Variants in PTGER3 observed in about 807,000 individuals in gnomAD.
The protein encoded by PTGER3 is prostaglandin E2 receptor EP3 subtype.
In PTGER3, 22 loss-of-function variants were observed where a neutral mutation model predicts 34.7. The ratio of observed to expected loss-of-function variants is 0.63; its 90% CI spans 0.45 to 0.91. The LOEUF is 0.91. Ranked by LOEUF, PTGER3 falls within the 40% of genes least tolerant of loss-of-function variation. PTGER3 has a pLI of 0.00. For synonymous variants in PTGER3, 241 were observed against 230.1 expected, an observed-to-expected ratio of 1.05 and a Z score of -0.43; for missense variants, 468 against 519.4, an observed-to-expected ratio of 0.90 and a Z score of 0.96.
intron 4 of PTGER3, chr1:70,852,885 A>G: frequency 1.2e-6 from 2 of 1,608,278 alleles, no homozygotes; most frequent in South Asian, 2.2e-5. Flanking sequence ...ATCAATTAGG[A>G]TAGCCAATAA....
At chr1:71,020,745 G>A (rs1436101313) in intron 1 of PTGER3, among the ~76,000 whole-genome samples, 1 of 148,406 alleles carries the variant, frequency 6.7e-6, no homozygotes, top group East Asian at 2.0e-4. Flanking sequence ...GTGGGGTGGG[G>A]GTATTTTTAT....
intron 4 of PTGER3, among the ~76,000 whole-genome samples, chr1:70,940,718 C>T (rs1434060896): frequency 2.0e-5 from 3 of 152,178 alleles, no homozygotes; most frequent in Non-Finnish European, 4.4e-5. Flanking sequence ...GATTCAATTA[C>T]CTCCCCCTGG....
intron 2 of PTGER3, among the ~76,000 whole-genome samples, chr1:70,955,608 T>C (rs1651240241): frequency 6.6e-6 from 1 of 152,158 alleles, no homozygotes; most frequent in Non-Finnish European, 1.5e-5. Context: ...CATGATCTAA[T>C]ATTGTTCTGT....
intron 4 of PTGER3, among the ~76,000 whole-genome samples, chr1:70,910,188 CA>C (rs1451303332): frequency 6.6e-6 from 1 of 152,152 alleles, no homozygotes; most frequent in Non-Finnish European, 1.5e-5. Flanking sequence ...TGAAGGTCTA[CA>C]GTTTTACTCC....
At chr1:70,879,548 T>C (rs1646344056) in intron 4 of PTGER3, among the ~76,000 whole-genome samples, 1 of 152,116 alleles carries the variant, frequency 6.6e-6, no homozygotes, top group African/African-American at 2.4e-5. Flanking sequence ...ACGTCTAGCC[T>C]CCCTCTTTCT....
intron 4 of PTGER3, among the ~76,000 whole-genome samples, chr1:70,916,197 C>T (rs1647172779): frequency 6.6e-6 from 1 of 151,994 alleles, no homozygotes; most frequent in Admixed American, 6.6e-5. Context: ...CAATCTCACA[C>T]CAGTCAGAAT....
chr1:70,892,200 A>G (rs1438126981), intron 4 of PTGER3, among the ~76,000 whole-genome samples: 1 of 152,202 alleles, frequency 6.6e-6, no homozygotes, highest in Non-Finnish European at 1.5e-5. Flanking sequence ...ACCCAATTCT[A>G]TCACTTATGA....
intron 4 of PTGER3, among the ~76,000 whole-genome samples, chr1:70,864,370 T>C (rs528685622): frequency 6.6e-6 from 1 of 152,324 alleles, no homozygotes; most frequent in Non-Finnish European, 1.5e-5. Context: ...CAGTTATCTC[T>C]AGCAATTAGG....
chr1:70,989,886 T>C (rs1160753178), intron 2 of PTGER3, among the ~76,000 whole-genome samples: 4 of 151,828 alleles, frequency 2.6e-5, no homozygotes, highest in African/African-American at 9.7e-5. Context: ...CAATGGAACC[T>C]ACACACACAC....
intron 4 of PTGER3, among the ~76,000 whole-genome samples, chr1:70,905,342 C>T (rs939323965): frequency 4.6e-5 from 7 of 152,022 alleles, no homozygotes; most frequent in African/African-American, 1.7e-4. Context: ...AAGAAGATGA[C>T]CACCATCCTC....
At chr1:70,877,707 A>T (rs1646302747) in intron 4 of PTGER3, among the ~76,000 whole-genome samples, 2 of 152,130 alleles carry the variant, frequency 1.3e-5, no homozygotes, top group African/African-American at 4.8e-5. Flanking sequence ...TATTAAGATG[A>T]TCATGTTATT....
intron 1 of PTGER3, among the ~76,000 whole-genome samples, chr1:71,023,978 T>C (rs1403470145): frequency 1.3e-5 from 2 of 151,106 alleles, no homozygotes; most frequent in Non-Finnish European, 2.9e-5. Flanking sequence ...TTAAAAAAGA[T>C]GCTTGTAAAA....
intron 4 of PTGER3, among the ~76,000 whole-genome samples, chr1:70,859,866 T>C (rs1645889079): frequency 6.6e-6 from 1 of 152,220 alleles, no homozygotes; most frequent in African/African-American, 2.4e-5. Flanking sequence ...TGTATCGGTT[T>C]GACTTTCTGA....
intron 4 of PTGER3, among the ~76,000 whole-genome samples, chr1:70,868,555 G>C (rs1214468875): frequency 1.3e-5 from 2 of 152,120 alleles, no homozygotes; most frequent in African/African-American, 4.8e-5. Context: ...CAGGTAGAAA[G>C]ATCACAGCCA....
In PTGER3 at chr1:70,854,486, A is replaced by G. The variant is rs1435354650; in HGVS notation, c.*24-1627T>C. Among the ~76,000 whole-genome samples the G allele has an allele frequency of 5.9e-5, 9 of 152,292 alleles. No individual in the cohort carries two copies. In the East Asian group the frequency reaches 1.4e-3, roughly 23 times the overall value. On this transcript the variant is annotated intron_variant, in intron 4 of 4. Coordinates refer to the PTGER3 transcript ENST00000370931. ...AATCTCATGTCAAAATGTAATCTCC[A>G]CATGTCAGAGGAGGGGCCTGGTGGG... is the stretch of plus-strand genomic sequence containing the variant.
At chr1:71,006,065 A>T in intron 2 of PTGER3, 1 of 703,664 alleles carries the variant, frequency 1.4e-6, no homozygotes, top group Non-Finnish European at 1.7e-6. Context: ...TATTAGCATT[A>T]ACTGTAGTCA....
At chr1:71,028,418 C>T (rs1172424640) in intron 1 of PTGER3, among the ~76,000 whole-genome samples, 2 of 152,168 alleles carry the variant, frequency 1.3e-5, no homozygotes, top group African/African-American at 4.8e-5. Flanking sequence ...TCGGATTAAC[C>T]AACTCTGAAG....
chr1:70,973,671 C>T (rs1475123401), intron 3 of PTGER3, among the ~76,000 whole-genome samples: 1 of 152,198 alleles, frequency 6.6e-6, no homozygotes, highest in East Asian at 1.9e-4. Flanking sequence ...AAAAAATAAA[C>T]CTTTTCACAG....
chr1:70,982,245 A>G (rs1008401936), intron 2 of PTGER3, among the ~76,000 whole-genome samples: 1 of 152,144 alleles, frequency 6.6e-6, no homozygotes, highest in African/African-American at 2.4e-5. Context: ...ATTTTACAAT[A>G]CTGTGTGTAA....
Sources: gnomAD v4.1 joint callset for allele counts (sites outside exome capture counted in the v4.1 genomes callset) on GRCh38, gnomAD v4.1.1 for gene constraint, MANE v1.5 for transcripts, NCBI Gene and HGNC (gene_info 2026-07-23, HGNC 2026-07-21) for gene names.